TRIM2: variants seen among roughly 807,000 people sequenced by gnomAD.
TRIM2 encodes the protein tripartite motif-containing protein 2.
A neutral mutation model predicts 75.2 loss-of-function variants in TRIM2; 20 were observed. The ratio of observed to expected loss-of-function variants is 0.27; its 90% CI spans 0.19 to 0.39. The LOEUF is 0.39. Ranked by LOEUF, TRIM2 falls within the 10% of genes least tolerant of loss-of-function variation. The probability of loss-of-function intolerance (pLI) is 1.00; values close to 1 mark genes in which losing one functional copy is unlikely to be tolerated. For missense variants in TRIM2, 660 were observed against 990.8 expected (o/e 0.67, Z 4.48); for synonymous variants, 373 against 388.3 (o/e 0.96, Z 0.46).
At chr4:153,209,825 T>C (rs1560818834) in intron 1 of TRIM2, among the ~76,000 whole-genome samples, 1 of 152,200 alleles carries the variant, frequency 6.6e-6, no homozygotes, top group Non-Finnish European at 1.5e-5. Flanking sequence ...GTGTGTTCTT[T>C]GATATGGTAA....
chr4:153,328,436 T>A, intron 10 of TRIM2, 94 bp from the exon 11 acceptor site: 3 of 1,176,222 alleles, frequency 2.6e-6, no homozygotes, highest in Non-Finnish European at 3.5e-6. Context: ...AGTCTTGTTA[T>A]AAATAACCTG....
intron 1 of TRIM2, among the ~76,000 whole-genome samples, chr4:153,235,692 A>G (rs1214776302): frequency 6.6e-6 from 1 of 152,188 alleles, no homozygotes; most frequent in Non-Finnish European, 1.5e-5. Context: ...AGAAGGCTCA[A>G]TTCACCTCTT....
chr4:153,199,617 A>G (rs10028304), upstream of TRIM2, among the ~76,000 whole-genome samples: 963 of 152,174 alleles, frequency 6.3e-3, 11 homozygotes, highest in African/African-American at 0.022. Context: ...GCATTGGAAA[A>G]CAGCATTCTT....
At chr4:153,177,405 C>T (rs1206197062) in intron 1 of TRIM2, among the ~76,000 whole-genome samples, 1 of 152,202 alleles carries the variant, frequency 6.6e-6, no homozygotes. Flanking sequence ...CCTGTAATCC[C>T]AGCACTCTGG....
chr4:153,177,082 A>T (rs1731514127), intron 1 of TRIM2, among the ~76,000 whole-genome samples: 1 of 152,216 alleles, frequency 6.6e-6, no homozygotes, highest in Admixed American at 6.5e-5. Flanking sequence ...TTGTTGTTGG[A>T]GAATCCCCAG....
intron 1 of TRIM2, among the ~76,000 whole-genome samples, chr4:153,170,003 G>T (rs771378262): frequency 6.6e-6 from 1 of 152,204 alleles, no homozygotes; most frequent in Admixed American, 6.5e-5. Flanking sequence ...ATCCATGGAG[G>T]TATTCATGGC....
intron 11 of TRIM2, among the ~76,000 whole-genome samples, chr4:153,331,608 G>C (rs991079502): frequency 2.6e-5 from 4 of 151,846 alleles, no homozygotes; most frequent in Non-Finnish European, 4.4e-5. Flanking sequence ...ATCTCAGCAG[G>C]ATTTTTTGCA....
intron 1 of TRIM2, among the ~76,000 whole-genome samples, chr4:153,269,901 T>A (rs1256827030): frequency 1.3e-5 from 2 of 152,156 alleles, no homozygotes; most frequent in African/African-American, 4.8e-5. Context: ...TGGCATTGAC[T>A]TCTACCTTTA....
At chr4:153,209,561 A>T (rs1242825386) in intron 1 of TRIM2, among the ~76,000 whole-genome samples, 1 of 152,216 alleles carries the variant, frequency 6.6e-6, no homozygotes, top group Non-Finnish European at 1.5e-5. Flanking sequence ...TGTGCCTTCA[A>T]GTACCGTACT....
chr4:153,238,717 C>T (rs748436047), intron 1 of TRIM2, among the ~76,000 whole-genome samples: 21 of 152,180 alleles, frequency 1.4e-4, no homozygotes, highest in Admixed American at 2.6e-4. Flanking sequence ...CAGCTCCAGT[C>T]GCATGCACTA....
intron 1 of TRIM2, chr4:153,257,628 T>C (rs1345613600): frequency 7.9e-7 from 1 of 1,272,622 alleles, no homozygotes; most frequent in Non-Finnish European, 1.0e-6. Context: ...TTAACCAGTC[T>C]CTTTGCATGG....
intron 1 of TRIM2, among the ~76,000 whole-genome samples, chr4:153,228,883 T>TC (rs1389569272): frequency 6.6e-6 from 1 of 151,910 alleles, no homozygotes. Context: ...TTCATCCTTT[T>TC]CCCCCCACAA....
At chr4:153,260,238 CTT>C (rs1483577872) in intron 1 of TRIM2, among the ~76,000 whole-genome samples, 1 of 152,084 alleles carries the variant, frequency 6.6e-6, no homozygotes, top group African/African-American at 2.4e-5. Flanking sequence ...TACTTAGCCT[CTT>C]TGTGTAGTCC....
chr4:153,179,048 A>G (rs4282151), intron 1 of TRIM2, among the ~76,000 whole-genome samples: 86,478 of 151,710 alleles, frequency 0.57, 25,501 homozygotes, highest in African/African-American at 0.73. Context: ...AAATTAGCCC[A>G]GGTATGGTGG....
intron 4 of TRIM2, 152 bp downstream of exon 4, chr4:153,293,285 A>G (rs574797449): frequency 1.3e-5 from 11 of 836,002 alleles, no homozygotes; most frequent in Non-Finnish European, 1.9e-5. Flanking sequence ...ATTTGTTGTC[A>G]TAAACTAATG....
At chr4:153,304,113 T>A (rs1347645761) in intron 6 of TRIM2, among the ~76,000 whole-genome samples, 1 of 152,020 alleles carries the variant, frequency 6.6e-6, no homozygotes, top group Non-Finnish European at 1.5e-5. Flanking sequence ...TTTTTTTTTC[T>A]TTCTTTCTTT....
intron 1 of TRIM2, among the ~76,000 whole-genome samples, chr4:153,207,021 C>A (rs570114250): frequency 6.6e-6 from 1 of 152,194 alleles, no homozygotes; most frequent in South Asian, 2.1e-4. Flanking sequence ...TACCAAAGTG[C>A]TGGGATTACA....
intron 3 of TRIM2, among the ~76,000 whole-genome samples, chr4:153,284,130 C>T (rs1471772131): frequency 6.6e-6 from 1 of 151,536 alleles, no homozygotes; most frequent in Non-Finnish European, 1.5e-5. Context: ...CCGCCCACTT[C>T]GGCCTCCCAA....
At chr4:153,215,200 C>T (rs1738144611) in intron 1 of TRIM2, among the ~76,000 whole-genome samples, 1 of 152,162 alleles carries the variant, frequency 6.6e-6, no homozygotes, top group Non-Finnish European at 1.5e-5. Context: ...TAAAGTGCCA[C>T]TTTCTCTTGT....
Sources: allele counts gnomAD v4.1 joint callset (sites outside exome capture counted in the v4.1 genomes callset), GRCh38; gene constraint gnomAD v4.1.1; transcripts MANE v1.5; gene names NCBI Gene and HGNC (gene_info 2026-07-23, HGNC 2026-07-21).